ARSH: variants seen among roughly 807,000 people sequenced by gnomAD.
The protein encoded by ARSH is arylsulfatase H.
ARSH carries 32 observed loss-of-function variants against 28.7 expected under a neutral mutation model. That is an observed-to-expected ratio of 1.11 (90% confidence interval 0.84 to 1.50). The LOEUF is 1.50. Among genes scored for constraint, ARSH ranks in the 40% most tolerant of loss-of-function variants. The pLI, the probability that ARSH is intolerant of heterozygous loss-of-function variation, is 0.00. For missense variants in ARSH, 440 were observed against 452.4 expected (o/e 0.97, Z 0.25); for synonymous variants, 176 against 177.3 (o/e 0.99, Z 0.06).
chrX:3,029,029 G>A (rs1189516675), intron 7 of ARSH, among the ~76,000 whole-genome samples: 3 of 103,968 alleles, frequency 2.9e-5, no homozygotes, highest in Admixed American at 1.1e-4. Context: ...AGTGAGCAGA[G>A]ATCGCACCAT....
intron 3 of ARSH, 73 bp downstream of exon 3, chrX:3,013,245 G>A (rs1405896096): frequency 2.7e-6 from 3 of 1,113,470 alleles, no homozygotes; most frequent in Non-Finnish European, 1.2e-6. Context: ...AGGTGTTTCC[G>A]GGGATGTTGG....
chrX:3,009,919 G>T (rs2089841549), intron 1 of ARSH, 111 bp from the exon 2 acceptor site: 1 of 935,922 alleles, frequency 1.1e-6, no homozygotes, highest in Non-Finnish European at 1.5e-6. Flanking sequence ...ATGGATTTTA[G>T]GTTTACCAGA....
chrX:3,013,988 A>C (rs2089858806), intron 3 of ARSH, among the ~76,000 whole-genome samples: 1 of 111,822 alleles, frequency 8.9e-6, no homozygotes, highest in Non-Finnish European at 1.9e-5. Context: ...AAATCTAGAT[A>C]GCTGGGCACA....
rs2089861524 is a variant in ARSH at position 3,014,989 on chromosome X, G to A, written c.360G>A (p.Leu120=). ...TGLIGKWHLG[L]SCASRNDHCY... is the part of the protein sequence containing the mutation. ...TTTTAGGCAAATGGCACCTGGGTTT[G>A]AGCTGCGCCTCTCGGAATGATCACT... The change falls in exon 4 of 9, where the codon TTG becomes TTA. Residue 120 remains leucine, a synonymous_variant. Coordinates refer to ENST00000381130, the MANE Select transcript of ARSH (RefSeq NM_001011719.2). The A allele has an allele frequency of 1.7e-6, 2 of 1,210,829 alleles. No individual in the cohort carries two copies. The highest frequency in any genetic ancestry group is 3.0e-5 in the East Asian group (1 of 33,837).
Position 3,027,446 on chromosome X carries a change from T to C in ARSH, c.1170T>C (p.Tyr390=). 5.8e-6 allele frequency: 7 copies of C among 1,211,675 alleles called. No homozygotes were observed. Among genetic ancestry groups the C allele is most frequent in the Non-Finnish European group, 7.8e-6 (7 of 895,421 alleles). The stretch of plus-strand genomic sequence containing the variant: ...TGGACATCTATCCGACGCTGTCTTA[T>C]ATAGGCGGAGGGATCTTGTCCCAGG... ...SLMDIYPTLS[Y]IGGGILSQDR... The change falls in exon 7 of 9, where the codon TAT becomes TAC. Residue 390 remains tyrosine, a synonymous_variant. Transcript: ENST00000381130.
chrX:3,006,643 C>T lies in ARSH; in HGVS notation c.31C>T (p.Leu11=). The T allele has an allele frequency of 8.3e-7, 1 of 1,209,295 alleles. No individual in the cohort carries two copies. Among genetic ancestry groups the T allele is most frequent in the Middle Eastern group, 2.3e-4 (1 of 4,349 alleles). MTRNARPNIV[L]LMADDLGVGD... is the part of the protein sequence containing the mutation. Reference sequence around the variant, plus strand: ...AAGAAACGCCAGACCCAACATTGTCCTGCTGATGGCAGATGACCTTGGAGT... The same window carrying T: ...AAGAAACGCCAGACCCAACATTGTCTTGCTGATGGCAGATGACCTTGGAGT... The change falls in exon 1 of 9, where the codon CTG becomes TTG. Residue 11 remains leucine, a synonymous_variant. Transcript: ENST00000381130.
At chrX:3,021,881 T>TTGTGTGTGTGTGTG (rs3032484) in intron 5 of ARSH, among the ~76,000 whole-genome samples, 17 of 94,261 alleles carry the variant, frequency 1.8e-4, no homozygotes, top group African/African-American at 5.5e-4. Flanking sequence ...TCTGGCCAAT[T>TTGTGTGTGTGTGTG]TGTGTGTGTG....
chrX:3,013,084 G>C lies in ARSH; in HGVS notation c.252G>C (p.Thr84=). Residue 84 remains threonine, a synonymous_variant, in exon 3 of 9, where the codon ACG becomes ACC. Coordinates refer to ENST00000381130, the MANE Select transcript of ARSH (RefSeq NM_001011719.2). ...CCTACAACCTGAACCGTGCCTTCAC[G>C]TGGCTTGGTGGGTCAGGTGGTCTTC... ...VSAYNLNRAF[T]WLGGSGGLPT... 8.3e-7 allele frequency: 1 copy of C among 1,211,020 alleles called. No individual in the cohort carries two copies. The highest frequency in any genetic ancestry group is 1.8e-5 in the South Asian group (1 of 56,892).
At position 3,027,466 on chromosome X, in the gene ARSH, C is replaced by A. The variant is rs1569125516; in HGVS notation, c.1190C>A (p.Ser397Tyr). The A allele has an allele frequency of 8.3e-7, 1 of 1,209,869 alleles. No individual in the cohort carries two copies. The highest frequency in any genetic ancestry group is 2.2e-5 in the Admixed American group (1 of 45,807). The change falls in exon 7 of 9, where the codon TCC becomes TAC. Residue 397 changes from serine to tyrosine, a missense_variant. Transcript: ENST00000381130. ...TLSYIGGGILSQDRVIDGQNL... is the reference protein window; with the variant it reads ...TLSYIGGGILYQDRVIDGQNL... Reference sequence around the variant, plus strand: ...TCTTATATAGGCGGAGGGATCTTGTCCCAGGACAGGTATGGAAACAGTGTT... The same window carrying A: ...TCTTATATAGGCGGAGGGATCTTGTACCAGGACAGGTATGGAAACAGTGTT...
intron 3 of ARSH, among the ~76,000 whole-genome samples, chrX:3,014,112 T>G (rs1446764000): frequency 1.8e-5 from 2 of 110,607 alleles, no homozygotes; most frequent in Non-Finnish European, 3.8e-5. Context: ...AAATAAAATG[T>G]TAAAATTAGC....
chrX:3,012,608 ATG>A (rs200422845), intron 2 of ARSH, among the ~76,000 whole-genome samples: 5,126 of 20,061 alleles, frequency 0.26, 559 homozygotes, highest in East Asian at 0.46. Flanking sequence ...TAATATATAT[ATG>A]TATGTGTATA....
intron 8 of ARSH, among the ~76,000 whole-genome samples, chrX:3,030,852 A>G (rs971358941): frequency 9.0e-6 from 1 of 111,251 alleles, no homozygotes; most frequent in South Asian, 3.8e-4. Context: ...GAGGCCCCTC[A>G]AGCTGTCAAA....
chrX:3,008,855 G>A (rs373947226), intron 1 of ARSH, among the ~76,000 whole-genome samples: 5 of 110,553 alleles, frequency 4.5e-5, no homozygotes, highest in Non-Finnish European at 7.6e-5. Context: ...GGTTACAGGC[G>A]TGAGCCATCA....
At chrX:3,015,815 G>A (rs998758719) in intron 4 of ARSH, among the ~76,000 whole-genome samples, 1 of 109,255 alleles carries the variant, frequency 9.2e-6, no homozygotes, top group African/African-American at 3.3e-5. Flanking sequence ...ACCCTGTATC[G>A]AAAATAAAAG....
chrX:3,012,969 G>A, intron 2 of ARSH, 78 bp from the exon 3 acceptor site: 1 of 1,115,669 alleles, frequency 9.0e-7, no homozygotes, highest in Non-Finnish European at 1.2e-6. Flanking sequence ...TGCGGGAGGA[G>A]AGGACTTTAA....
At chrX:3,012,551 AAAAAAAAAAAAAAAAAAATATAT>A (rs1352602179) in intron 2 of ARSH, among the ~76,000 whole-genome samples, 1 of 23,656 alleles carries the variant, frequency 4.2e-5, no homozygotes, top group African/African-American at 2.3e-4. Context: ...AAAAAAAAAA[AAAAAAAAAAAAAAAAAAATATAT>A]ATATATATAT....
At position 3,032,916 on chromosome X, in the gene ARSH, T is replaced by C. The variant is rs757486100; in HGVS notation, c.1322-102T>C. 1.1e-4 allele frequency: 92 copies of C among 874,453 alleles called. No individual in the cohort carries two copies. In the African/African-American group the frequency reaches 1.3e-3, roughly 13 times the overall value. The allele number at this position is 874,453 out of a possible 1,213,427, so 72.1% of individuals were successfully genotyped here. Reference sequence around the variant, plus strand: ...TGTGTAATGCTGTGCAGAAGAGTATTATCAATCACTAGAAAAAGCTTTTGA... The same window carrying C: ...TGTGTAATGCTGTGCAGAAGAGTATCATCAATCACTAGAAAAAGCTTTTGA... On this transcript the variant is annotated intron_variant, in intron 8 of 8. Coordinates refer to ENST00000381130, the MANE Select transcript of ARSH (RefSeq NM_001011719.2).
chrX:3,013,704 C>T (rs2089857899), intron 3 of ARSH, among the ~76,000 whole-genome samples: 1 of 110,451 alleles, frequency 9.1e-6, no homozygotes, highest in Non-Finnish European at 1.9e-5. Context: ...GTGATCAAAT[C>T]CTTTTGGGAA....
At chrX:3,008,872 G>A (rs1354686231) in intron 1 of ARSH, among the ~76,000 whole-genome samples, 3 of 110,572 alleles carry the variant, frequency 2.7e-5, no homozygotes, top group Non-Finnish European at 5.7e-5. Flanking sequence ...ATCACACTCA[G>A]CCTCCATTAT....
Sources: gnomAD v4.1 joint callset for allele counts (sites outside exome capture counted in the v4.1 genomes callset) on GRCh38, gnomAD v4.1.1 for gene constraint, MANE v1.5 for transcripts, NCBI Gene and HGNC (gene_info 2026-07-23, HGNC 2026-07-21) for gene names.